The following SLC22A7 variants were observed in gnomAD, a reference collection of about 807,000 sequenced individuals.
The protein encoded by SLC22A7 is solute carrier family 22 member 7, also known as hOAT2.
Under a neutral mutation model 62.2 loss-of-function variants are expected in SLC22A7, and 48 were observed. That is an observed-to-expected ratio of 0.77 (90% CI 0.61 to 0.98). The LOEUF is 0.98. Among genes scored for constraint, SLC22A7 ranks in the 50% least tolerant of loss-of-function variants. SLC22A7 has a pLI of 0.00. For missense variants in SLC22A7, 581 were observed against 703.8 expected (o/e 0.83, Z 1.97); for synonymous variants, 276 against 314.8 (o/e 0.88, Z 1.30).
rs780019110 is a variant in SLC22A7, at chr6:43,303,995, G to A, written c.1386-43G>A. 3.0e-5 allele frequency: 44 copies of A among 1,457,194 alleles called. No individual in the cohort carries two copies. In the South Asian group the frequency reaches 5.1e-4, roughly 17 times the overall value. 90.3% of individuals were successfully genotyped at this position (1,457,194 alleles called of 1,614,324 possible). A position where few individuals can be genotyped will look rare whatever the true frequency, so the allele number is the denominator to read the frequency against. ...CCCTGTGGGGCATGACTCCAGGTAG[G>A]TGTGAACACCATCTGCCTCCCTCAT... is the stretch of plus-strand genomic sequence containing the variant. On this transcript the variant is annotated intron_variant, in intron 9 of 10. Coordinates refer to ENST00000372585, the MANE Select transcript of SLC22A7 (RefSeq NM_153320.2).
Position 43,302,560 on chromosome 6 carries a change from T to G in SLC22A7, c.1277-95T>G. ...CAGTGAGCTCAGACTCTCCACCACT[T>G]AAGTTTGGCCCACTCTGGAGACTCC... On this transcript the variant is annotated intron_variant, in intron 8 of 10. Coordinates refer to ENST00000372585, the MANE Select transcript of SLC22A7 (RefSeq NM_153320.2). This position sits in a 1 kb window ranked among gnomAD's most constrained non-coding sequence, Gnocchi z 5.0. 3 of 1,198,386 alleles carry G rather than the reference T, an allele frequency of 2.5e-6. No individual in the cohort carries two copies. The highest frequency in any genetic ancestry group is 3.6e-6 in the Non-Finnish European group (3 of 840,392). 74.2% of individuals were successfully genotyped at this position (1,198,386 alleles called of 1,614,324 possible).
rs755795543 is a variant in SLC22A7, at chr6:43,299,442, T to G, written c.452T>G (p.Phe151Cys). The change falls in exon 3 of 11, where the codon TTC (phenylalanine) becomes TGC (cysteine). Residue 151 changes from phenylalanine (F) to cysteine (C), a missense_variant. By Grantham distance (205) the Phe-to-Cys change is radical. Transcript: ENST00000372585. The surrounding 1 kb of genome is among the most constrained non-coding windows in gnomAD (Gnocchi z 4.4). ...KGLNRAASTFFFAGVLVGAVA... is the reference protein window; with the variant it reads ...KGLNRAASTFCFAGVLVGAVA... The stretch of plus-strand genomic sequence containing the variant: ...CTGAACAGAGCTGCGTCCACTTTCT[T>G]CTTCGCCGGTGTGCTGGTGGGGGCT... The G allele has an allele frequency of 1.2e-6, 2 of 1,614,106 alleles. No individual in the cohort carries two copies. Among genetic ancestry groups the G allele is most frequent in the East Asian group, 4.5e-5 (2 of 44,886 alleles).
At chr6:43,298,952 A>C in intron 1 of SLC22A7, 140 bp from the exon 2 acceptor site, 1 of 1,134,580 alleles carries the variant, frequency 8.8e-7, no homozygotes. Context: ...TGTTATCATC[A>C]TCATTAATTG....
upstream of SLC22A7, chr6:43,298,113 C>T (rs1056468473): frequency 2.0e-6 from 1 of 494,038 alleles, no homozygotes; most frequent in Non-Finnish European, 3.6e-6. Context: ...AGCCACGAGC[C>T]AGTGACCTCT....
chr6:43,302,579 A>T lies in SLC22A7; in HGVS notation c.1277-76A>T. 1 of 1,267,544 alleles carries T rather than the reference A, an allele frequency of 7.9e-7. No homozygotes were observed. The highest frequency in any genetic ancestry group is 1.1e-6 in the Non-Finnish European group (1 of 896,246). The allele number at this position is 1,267,544 out of a possible 1,614,324, so 78.5% of individuals were successfully genotyped here. A position where few individuals can be genotyped will look rare whatever the true frequency, so the allele number is the denominator to read the frequency against. On this transcript the variant is annotated intron_variant, in intron 8 of 10. Coordinates refer to ENST00000372585, the MANE Select transcript of SLC22A7 (RefSeq NM_153320.2). This position sits in a 1 kb window ranked among gnomAD's most constrained non-coding sequence, Gnocchi z 5.0. ...ACCACTTAAGTTTGGCCCACTCTGG[A>T]GACTCCGCACCCTATCCAGAACACC...
Position 43,301,588 on chromosome 6 carries a change from G to C in SLC22A7, c.957G>C (p.Val319=). The change falls in exon 7 of 11, where the codon GTG becomes GTC. Residue 319 remains valine (V), a synonymous_variant. Transcript: ENST00000372585. ...CTCACCTCCTTCCCTACCAGGCTGT[G>C]AGCAAAGTGGCCGCCGGGGAACGGG... ...VCEDSFSQEA[V]SKVAAGERVV... The C allele has an allele frequency of 6.2e-7, 1 of 1,614,028 alleles. No individual in the cohort carries two copies. Among genetic ancestry groups the C allele is most frequent in the Non-Finnish European group, 8.5e-7 (1 of 1,179,930 alleles).
At position 43,299,745 on chromosome 6, in the gene SLC22A7, G is replaced by T. The variant is rs376335463; in HGVS notation, c.622G>T (p.Ala208Ser). ...FAITRTLTGS[A>S]LAGFTIIVMP... is the part of the protein sequence containing the mutation. ...CATCACCCGCACCCTTACTGGCTCA[G>T]CCCTGGCTGGTTTTACCATCATCGT... Residue 208 changes from alanine (A) to serine (S), a missense_variant, in exon 4 of 11, where the codon GCC (alanine) becomes TCC (serine). Transcript: ENST00000372585. The surrounding 1 kb of genome is among the most constrained non-coding windows in gnomAD (Gnocchi z 4.4). 31 of 1,614,100 alleles carry T rather than the reference G, an allele frequency of 1.9e-5. No homozygotes were observed. Among genetic ancestry groups the T allele is most frequent in the Middle Eastern group, 3.3e-4 (2 of 6,084 alleles).
At chr6:43,304,643 C>T (rs776601874) in intron 10 of SLC22A7, 28 bp from the exon 11 acceptor site, 1 of 1,599,828 alleles carries the variant, frequency 6.3e-7, no homozygotes, top group Non-Finnish European at 8.5e-7. Flanking sequence ...TTAAACCCCA[C>T]CATTGCTCAC....
Position 43,299,833 on chromosome 6 carries a change from G to A in SLC22A7, c.658+52G>A. ...CCTAGAGGGCTGGAAGAAGGCAGTT[G>A]TCAGAGTGAGGCTGAGCCCATCTGG... On this transcript the variant is annotated intron_variant, in intron 4 of 10. Coordinates refer to ENST00000372585, the MANE Select transcript of SLC22A7 (RefSeq NM_153320.2). This position sits in a 1 kb window ranked among gnomAD's most constrained non-coding sequence, Gnocchi z 4.4. The A allele has an allele frequency of 4.3e-6, 7 of 1,614,204 alleles. No homozygotes were observed. The highest frequency in any genetic ancestry group is 5.9e-6 in the Non-Finnish European group (7 of 1,180,012).
chr6:43,296,264 A>G (rs1231434341), upstream of SLC22A7, among the ~76,000 whole-genome samples: 1 of 152,214 alleles, frequency 6.6e-6, no homozygotes, highest in Non-Finnish European at 1.5e-5. Flanking sequence ...AGAGGTAACC[A>G]CTGCATGATT....
chr6:43,298,352 GAGC>G lies in SLC22A7; in HGVS notation c.-2_1del, dbSNP rs779848798. 2.4e-5 allele frequency: 39 copies of G among 1,604,482 alleles called. No individual in the cohort carries two copies. Among genetic ancestry groups the G allele is most frequent in the Non-Finnish European group, 3.1e-5 (36 of 1,174,342 alleles). ...GCTGCACCTGAAGCATTTGGTGGGTGAGCAGCATGGGCTTTGAGGAGCTGCTGG... is the reference window on the plus strand; with the variant it reads ...GCTGCACCTGAAGCATTTGGTGGGTGAGCATGGGCTTTGAGGAGCTGCTGG... On this transcript the variant is annotated 5_prime_UTR_variant, in exon 1 of 11. Transcript: ENST00000372585.
chr6:43,298,941 C>T lies in SLC22A7; in HGVS notation c.394-151C>T, dbSNP rs1045060307. 80 of 1,106,972 alleles carry T rather than the reference C, an allele frequency of 7.2e-5. No individual in the cohort carries two copies. In the African/African-American group the frequency reaches 1.0e-3, roughly 14 times the overall value. 68.6% of individuals were successfully genotyped at this position (1,106,972 alleles called of 1,614,324 possible). A position where few individuals can be genotyped will look rare whatever the true frequency, so the allele number is the denominator to read the frequency against. On this transcript the variant is annotated intron_variant, in intron 1 of 10. Transcript: ENST00000372585. Reference sequence around the variant, plus strand: ...GTAGTAACAGGATCCTACACAAGAACTGTTATCATCATCATTAATTGGGAG... The same window carrying T: ...GTAGTAACAGGATCCTACACAAGAATTGTTATCATCATCATTAATTGGGAG...
intron 10 of SLC22A7, chr6:43,304,467 A>G: frequency 1.7e-6 from 1 of 590,510 alleles, no homozygotes; most frequent in Admixed American, 3.4e-5. Context: ...CAAATACATA[A>G]GGTTGTTCAG....
In SLC22A7 at chr6:43,304,216, G is replaced by A; in HGVS notation, c.1564G>A (p.Glu522Lys). ...AGAGACGAGGCAGGCACAGCTGCCAGAGACCATCCAGGACGTGGAGAGAAA... is the reference window on the plus strand; with the variant it reads ...AGAGACGAGGCAGGCACAGCTGCCAAAGACCATCCAGGACGTGGAGAGAAA... ...LPETRQAQLP[E>K]TIQDVERKSA... The change falls in exon 10 of 11, where the codon GAG (glutamate) becomes AAG (lysine). Residue 522 changes from glutamate to lysine, a missense_variant. By Grantham distance (56) the Glu-to-Lys change is moderately conservative. Coordinates refer to ENST00000372585, the MANE Select transcript of SLC22A7 (RefSeq NM_153320.2). The A allele has an allele frequency of 6.3e-7, 1 of 1,580,514 alleles. No individual in the cohort carries two copies. Among genetic ancestry groups the A allele is most frequent in the Non-Finnish European group, 8.6e-7 (1 of 1,161,228 alleles).
At chr6:43,304,330 A>T in intron 10 of SLC22A7, 86 bp downstream of exon 10, 3 of 1,175,096 alleles carry the variant, frequency 2.6e-6, no homozygotes, top group Non-Finnish European at 2.3e-6. Flanking sequence ...TAGGATTCAG[A>T]CAGGAAACTA....
chr6:43,304,364 C>T (rs902661240), intron 10 of SLC22A7, 120 bp downstream of exon 10: 3 of 910,442 alleles, frequency 3.3e-6, no homozygotes, highest in South Asian at 1.9e-5. Flanking sequence ...GTACTTGGTG[C>T]ATGTATGTGT....
chr6:43,301,375 CAG>C (rs1331611102), intron 6 of SLC22A7, 117 bp downstream of exon 6: 21 of 1,454,172 alleles, frequency 1.4e-5, no homozygotes, highest in Non-Finnish European at 1.9e-5. Flanking sequence ...TGGGCCCCCA[CAG>C]AGAGTTCCGA....
chr6:43,301,293 G>T, intron 6 of SLC22A7, 35 bp downstream of exon 6: 2 of 1,612,500 alleles, frequency 1.2e-6, no homozygotes, highest in Non-Finnish European at 1.7e-6. Flanking sequence ...ATGCATATAT[G>T]TGTGTGGTGG....
upstream of SLC22A7, chr6:43,298,188 T>A (rs950490772): frequency 1.7e-6 from 1 of 604,624 alleles, no homozygotes; most frequent in Non-Finnish European, 2.9e-6. Context: ...GGAGACCTGA[T>A]GGCTGGGGAG....
Sources: allele counts gnomAD v4.1 joint callset (sites outside exome capture counted in the v4.1 genomes callset), GRCh38; gene constraint gnomAD v4.1.1; non-coding constraint Gnocchi (gnomAD v3.1); transcripts MANE v1.5; gene names NCBI Gene and HGNC (gene_info 2026-07-23, HGNC 2026-07-21).